The following CNTNAP5 variants were observed in gnomAD, a reference collection of about 807,000 sequenced individuals.
CNTNAP5 encodes contactin-associated protein-like 5.
In CNTNAP5, 72 loss-of-function variants were observed where a neutral mutation model predicts 150.2. That is an observed-to-expected ratio of 0.48 (90% CI 0.40 to 0.58). The LOEUF (loss-of-function observed/expected upper bound fraction) is 0.58, where lower values mean the gene tolerates loss of function less well. Among genes scored for constraint, CNTNAP5 ranks in the 20% least tolerant of loss-of-function variants. The probability of loss-of-function intolerance (pLI) is 0.00; values close to 1 mark genes in which losing one functional copy is unlikely to be tolerated. For synonymous variants in CNTNAP5, 672 were observed against 619.8 expected (o/e 1.08, Z -1.25); for missense variants, 1,636 against 1,626.2 (o/e 1.01, Z -0.10).
At chr2:124,622,104 T>C (rs1361119233) in intron 12 of CNTNAP5, among the ~76,000 whole-genome samples, 1 of 152,120 alleles carries the variant, frequency 6.6e-6, no homozygotes, top group African/African-American at 2.4e-5. Flanking sequence ...TTCTTCCTGA[T>C]GCTCTCCCAC....
intron 3 of CNTNAP5, among the ~76,000 whole-genome samples, chr2:124,278,090 G>A (rs1178952043): frequency 6.6e-6 from 1 of 152,138 alleles, no homozygotes; most frequent in Non-Finnish European, 1.5e-5. Context: ...TTAAGACAGA[G>A]ATGGCAGATT....
intron 12 of CNTNAP5, among the ~76,000 whole-genome samples, chr2:124,640,603 G>A (rs1678070492): frequency 6.6e-6 from 1 of 152,132 alleles, no homozygotes; most frequent in South Asian, 2.1e-4. Context: ...AACAGCTCCT[G>A]GGGGATTTCT....
chr2:124,201,698 G>C lies in CNTNAP5; in HGVS notation c.83-20007G>C, dbSNP rs1353223301. Among the ~76,000 whole-genome samples the C allele has an allele frequency of 9.2e-5, 14 of 152,318 alleles. 1 individual carries two copies. In the South Asian group the frequency reaches 2.9e-3, roughly 32 times the overall value. ...AAGTGACAGGTGCCCCTGTTGTCTG[G>C]TTCTGAATTTGGAGGAGATGCAATC... On this transcript the variant is annotated intron_variant, in intron 1 of 23. Coordinates refer to ENST00000682447, the MANE Select transcript of CNTNAP5 (RefSeq NM_001367498.1).
At chr2:124,629,953 A>C (rs934931951) in intron 12 of CNTNAP5, among the ~76,000 whole-genome samples, 1 of 150,648 alleles carries the variant, frequency 6.6e-6, no homozygotes, top group African/African-American at 2.4e-5. Context: ...AAAAAAAAAA[A>C]AACTGGAAAA....
chr2:124,363,424 C>A (rs1420749152), intron 3 of CNTNAP5, among the ~76,000 whole-genome samples: 1 of 152,190 alleles, frequency 6.6e-6, no homozygotes, highest in Non-Finnish European at 1.5e-5. Flanking sequence ...TCAACACACC[C>A]AAAATAACAT....
intron 21 of CNTNAP5, among the ~76,000 whole-genome samples, chr2:124,890,590 A>AC (rs1452711135): frequency 1.3e-5 from 2 of 152,124 alleles, no homozygotes; most frequent in Non-Finnish European, 2.9e-5. Context: ...TGTAACAGTC[A>AC]CCATCCATTC....
chr2:124,894,614 C>T (rs961485912), intron 21 of CNTNAP5, among the ~76,000 whole-genome samples: 7 of 150,518 alleles, frequency 4.7e-5, no homozygotes, highest in South Asian at 2.1e-4. Context: ...AATGCAATGG[C>T]CTGACGATGG....
intron 13 of CNTNAP5, among the ~76,000 whole-genome samples, chr2:124,737,841 T>C (rs1245545013): frequency 1.3e-5 from 2 of 152,132 alleles, no homozygotes; most frequent in African/African-American, 2.4e-5. Context: ...ATCTATGCCT[T>C]TGTTTTCTCA....
Position 124,647,956 on chromosome 2 carries a change from C to T in CNTNAP5, c.2075C>T (p.Pro692Leu), listed in dbSNP as rs754829696. 3.1e-5 allele frequency: 50 copies of T among 1,593,724 alleles called. No individual in the cohort carries two copies. Among genetic ancestry groups the T allele is most frequent in the East Asian group, 6.8e-5 (3 of 43,960 alleles). ...AGGAGGTCCCGCCTGCTCAACACGC[C>T]GGGTAAGGCCTCTGCATGCATGACC... ...HCRRSRLLNT[P>L]DGTPFTWWIG... The change falls in exon 13 of 24, where the codon CCG (proline) becomes CTG (leucine). Residue 692 changes from proline to leucine, a missense_variant and splice_region_variant. Coordinates refer to ENST00000682447, the MANE Select transcript of CNTNAP5 (RefSeq NM_001367498.1).
chr2:124,482,137 C>T (rs1006451666), intron 7 of CNTNAP5, among the ~76,000 whole-genome samples: 6 of 152,126 alleles, frequency 3.9e-5, no homozygotes, highest in African/African-American at 7.2e-5. Context: ...TTTATGCTCT[C>T]GCACCTGCAG....
Position 124,517,918 on chromosome 2 carries a change from T to A in CNTNAP5, c.1328-6385T>A, listed in dbSNP as rs531001496. On this transcript the variant is annotated intron_variant, in intron 8 of 23. Coordinates refer to ENST00000682447, the MANE Select transcript of CNTNAP5 (RefSeq NM_001367498.1). The stretch of plus-strand genomic sequence containing the variant: ...TTGTGGTATTGGTGAAGAGGGGTTG[T>A]GGTGTTGGTGATGGAGGGTGATGAT... Among the ~76,000 whole-genome samples the A allele has an allele frequency of 1.1e-4, 17 of 151,638 alleles. No individual in the cohort carries two copies. In the South Asian group the frequency reaches 2.9e-3, roughly 26 times the overall value.
chr2:124,300,100 C>A (rs955535565), intron 3 of CNTNAP5, among the ~76,000 whole-genome samples: 2 of 152,132 alleles, frequency 1.3e-5, no homozygotes, highest in African/African-American at 4.8e-5. Flanking sequence ...GCTTTCACAT[C>A]CATGATTTAA....
At chr2:124,710,749 A>G (rs1384421872) in intron 13 of CNTNAP5, among the ~76,000 whole-genome samples, 1 of 152,166 alleles carries the variant, frequency 6.6e-6, no homozygotes, top group African/African-American at 2.4e-5. Flanking sequence ...TTTCAGAGCA[A>G]TCCAGGATCA....
At chr2:124,203,942 A>G (rs1685797429) in intron 1 of CNTNAP5, among the ~76,000 whole-genome samples, 1 of 152,144 alleles carries the variant, frequency 6.6e-6, no homozygotes. Flanking sequence ...ACTTATGCAA[A>G]TTTCTGCAGC....
chr2:124,778,002 T>C (rs1681363439), intron 17 of CNTNAP5, among the ~76,000 whole-genome samples: 1 of 152,108 alleles, frequency 6.6e-6, no homozygotes, highest in Non-Finnish European at 1.5e-5. Context: ...AAAGAAATCA[T>C]TAGAAGAGCA....
At chr2:124,275,430 C>A (rs984701378) in intron 3 of CNTNAP5, among the ~76,000 whole-genome samples, 1 of 152,072 alleles carries the variant, frequency 6.6e-6, no homozygotes, top group South Asian at 2.1e-4. Flanking sequence ...TGCTTATGAA[C>A]CACAAATCCC....
chr2:124,622,204 G>A (rs1573503171), intron 12 of CNTNAP5, among the ~76,000 whole-genome samples: 1 of 151,604 alleles, frequency 6.6e-6, no homozygotes, highest in South Asian at 2.1e-4. Flanking sequence ...CCCACTTGTA[G>A]ATGAGAACAT....
At chr2:124,627,139 A>G (rs189733857) in intron 12 of CNTNAP5, among the ~76,000 whole-genome samples, 3 of 152,226 alleles carry the variant, frequency 2.0e-5, no homozygotes, top group Non-Finnish European at 1.5e-5. Context: ...GGTTCAGCAG[A>G]CTTAATCTTT....
At chr2:124,577,404 T>C (rs1696308498) in intron 11 of CNTNAP5, among the ~76,000 whole-genome samples, 1 of 152,232 alleles carries the variant, frequency 6.6e-6, no homozygotes, top group South Asian at 2.1e-4. Context: ...TATGACATAA[T>C]TTCATTGAGA....
Sources: allele counts gnomAD v4.1 joint callset (sites outside exome capture counted in the v4.1 genomes callset), GRCh38; gene constraint gnomAD v4.1.1; transcripts MANE v1.5; gene names NCBI Gene and HGNC (gene_info 2026-07-23, HGNC 2026-07-21).